The following SYNRG variants were observed in gnomAD, a reference collection of about 807,000 sequenced individuals.
The protein encoded by SYNRG is AP1 gamma subunit binding protein 1.
A neutral mutation model predicts 130.9 loss-of-function variants in SYNRG; 37 were observed. That is an observed-to-expected ratio of 0.28 (90% CI 0.22 to 0.37). The LOEUF is 0.37. Ranked by LOEUF, SYNRG falls within the 10% of genes least tolerant of loss-of-function variation. SYNRG has a pLI of 1.00. For missense variants in SYNRG, 1,338 were observed against 1,588.9 expected, an observed-to-expected ratio of 0.84 and a Z score of 2.68; for synonymous variants, 539 against 568.1, an observed-to-expected ratio of 0.95 and a Z score of 0.73.
chr17:37,585,224 A>T, intron 5 of SYNRG, 101 bp downstream of exon 5: 1 of 884,504 alleles, frequency 1.1e-6, no homozygotes, highest in African/African-American at 1.7e-5. Context: ...TCACAGCCTC[A>T]GCTTGGGCTG....
At chr17:37,561,649 G>A (rs1045454974) in intron 11 of SYNRG, 60 bp from the exon 12 acceptor site, 2 of 1,296,634 alleles carry the variant, frequency 1.5e-6, no homozygotes, top group South Asian at 2.5e-5. Context: ...CATCTAAAAG[G>A]AAGTTAGAAT....
chr17:37,547,700 T>C (rs1162741293), intron 14 of SYNRG, among the ~76,000 whole-genome samples: 1 of 152,174 alleles, frequency 6.6e-6, no homozygotes, highest in African/African-American at 2.4e-5. Context: ...TGACCTCAGG[T>C]GATCCGCCTG....
chr17:37,583,477 A>AT (rs1234869760), intron 6 of SYNRG, among the ~76,000 whole-genome samples: 2 of 152,156 alleles, frequency 1.3e-5, no homozygotes, highest in Non-Finnish European at 2.9e-5. Context: ...GTTGTCCCGG[A>AT]AAAATCAAGA....
chr17:37,601,660 C>T (rs1428123776), intron 1 of SYNRG, among the ~76,000 whole-genome samples: 1 of 151,934 alleles, frequency 6.6e-6, no homozygotes, highest in African/African-American at 2.4e-5. Flanking sequence ...AAGCTGACAA[C>T]TTTATTTTTA....
Position 37,590,241 on chromosome 17 carries a change from T to C in SYNRG, c.241-3692A>G, listed in dbSNP as rs1289641395. Among the ~76,000 whole-genome samples the C allele has an allele frequency of 2.7e-5, 4 of 150,896 alleles. No homozygotes were observed. In the East Asian group the frequency reaches 7.8e-4, roughly 29 times the overall value. ...ATAAGAAGATACAGGTAGGGAAGAA[T>C]GTCTTAGATAAGTCAGAAAAAAAAA... On this transcript the variant is annotated intron_variant, in intron 3 of 21. Coordinates refer to ENST00000612223, the MANE Select transcript of SYNRG (RefSeq NM_007247.6).
At chr17:37,533,404 A>G (rs529973873) in intron 19 of SYNRG, among the ~76,000 whole-genome samples, 2 of 131,776 alleles carry the variant, frequency 1.5e-5, no homozygotes, top group African/African-American at 5.1e-5. Flanking sequence ...CTGTCTGGGG[A>G]AAAAAAAAAA....
At chr17:37,531,069 T>C (rs1323378334) in intron 19 of SYNRG, among the ~76,000 whole-genome samples, 1 of 152,008 alleles carries the variant, frequency 6.6e-6, no homozygotes, top group Admixed American at 6.6e-5. Context: ...GGCAACATAG[T>C]GAGGCCCTAT....
rs1260523332 is a variant in SYNRG at position 37,535,993 on chromosome 17, G to A, written c.3652C>T (p.Leu1218Phe). ...CATGGGCTTACTGTGAGTGTGGCGA[G>A]TGACATGAAGCCGATTAGGTTATTC... The part of the protein sequence containing the change: ...VWNNLIGFMS[L>F]ATLTPDENSL... The change falls in exon 19 of 22, where the codon CTC becomes TTC. Residue 1218 changes from leucine to phenylalanine, a missense_variant. By Grantham distance (22) the Leu-to-Phe change is conservative. Transcript: ENST00000612223. 3.1e-6 allele frequency: 5 copies of A among 1,613,882 alleles called. No homozygotes were observed. Among genetic ancestry groups the A allele is most frequent in the Non-Finnish European group, 4.2e-6 (5 of 1,179,966 alleles).
chr17:37,529,343 T>TA (rs994209070), intron 19 of SYNRG, among the ~76,000 whole-genome samples: 7 of 151,858 alleles, frequency 4.6e-5, no homozygotes, highest in Non-Finnish European at 1.0e-4. Flanking sequence ...ATCCTTGGTA[T>TA]AAAAAAACAA....
At position 37,596,355 on chromosome 17, in the gene SYNRG, A is replaced by C. The variant is rs756174950; in HGVS notation, c.119-11T>G. 2 of 1,613,324 alleles carry C rather than the reference A, an allele frequency of 1.2e-6. No individual in the cohort carries two copies. The highest frequency in any genetic ancestry group is 1.7e-6 in the Non-Finnish European group (2 of 1,179,786). ...TCGGCATCAGGCCTGCTGAAAATATAAAGACATTATTAAAGTCAATGTGTT... is the reference window on the plus strand; with the variant it reads ...TCGGCATCAGGCCTGCTGAAAATATCAAGACATTATTAAAGTCAATGTGTT... On this transcript the variant is annotated splice_polypyrimidine_tract_variant and intron_variant, in intron 2 of 21. Transcript: ENST00000612223.
intron 8 of SYNRG, among the ~76,000 whole-genome samples, chr17:37,575,507 C>CT (rs924309364): frequency 1.5e-4 from 22 of 147,398 alleles, no homozygotes; most frequent in Middle Eastern, 3.2e-3. Flanking sequence ...ATTTTCTTTT[C>CT]TTTTTTTTTT....
chr17:37,593,082 G>A (rs2062348824), intron 3 of SYNRG, among the ~76,000 whole-genome samples: 1 of 152,064 alleles, frequency 6.6e-6, no homozygotes, highest in South Asian at 2.1e-4. Flanking sequence ...GGGGAAGGGA[G>A]AGATTATAAT....
chr17:37,538,075 G>A (rs1191986729), intron 18 of SYNRG, among the ~76,000 whole-genome samples: 1 of 152,186 alleles, frequency 6.6e-6, no homozygotes, highest in Non-Finnish European at 1.5e-5. Context: ...TGATAAACCA[G>A]TAACACAGAT....
intron 13 of SYNRG, among the ~76,000 whole-genome samples, chr17:37,556,738 CAGA>C (rs1294091579): frequency 1.3e-5 from 2 of 152,098 alleles, no homozygotes; most frequent in Non-Finnish European, 2.9e-5. Context: ...CACAAACTGA[CAGA>C]AGATGTAAAA....
At chr17:37,586,367 G>T in intron 4 of SYNRG, 52 bp downstream of exon 4, 1 of 1,604,376 alleles carries the variant, frequency 6.2e-7, no homozygotes, top group Non-Finnish European at 8.5e-7. Context: ...CAATTCTTAA[G>T]ATAGATGCTA....
chr17:37,604,945 G>C (rs578012216), intron 1 of SYNRG, among the ~76,000 whole-genome samples: 3 of 152,130 alleles, frequency 2.0e-5, no homozygotes, highest in Non-Finnish European at 2.9e-5. Flanking sequence ...TGTCTTATAC[G>C]AGCTGGGTTT....
At position 37,518,882 on chromosome 17, in the gene SYNRG, C is replaced by T; in HGVS notation, c.*58G>A. Reference sequence around the variant, plus strand: ...GTGCTCGCATTCTATTTATTGGTCCCTGTCACCCCGTGGGGTGTCACAGAA... The same window carrying T: ...GTGCTCGCATTCTATTTATTGGTCCTTGTCACCCCGTGGGGTGTCACAGAA... On this transcript the variant is annotated 3_prime_UTR_variant, in exon 22 of 22. Transcript: ENST00000612223. 2 of 1,590,616 alleles carry T rather than the reference C, an allele frequency of 1.3e-6. No individual in the cohort carries two copies. Among genetic ancestry groups the T allele is most frequent in the Non-Finnish European group, 1.7e-6 (2 of 1,166,736 alleles).
chr17:37,586,298 G>A, intron 4 of SYNRG, 121 bp downstream of exon 4: 1 of 1,406,116 alleles, frequency 7.1e-7, no homozygotes, highest in Non-Finnish European at 9.5e-7. Flanking sequence ...CAGGCCTTAA[G>A]AGTTTTAAAG....
intron 19 of SYNRG, among the ~76,000 whole-genome samples, chr17:37,523,852 AAGG>A (rs925351775): frequency 7.2e-5 from 11 of 152,196 alleles, no homozygotes; most frequent in African/African-American, 2.7e-4. Flanking sequence ...TGTGGAGAGT[AAGG>A]AGGTGAGAAA....
Sources: allele counts gnomAD v4.1 joint callset (sites outside exome capture counted in the v4.1 genomes callset), GRCh38; gene constraint gnomAD v4.1.1; transcripts MANE v1.5; gene names NCBI Gene and HGNC (gene_info 2026-07-23, HGNC 2026-07-21).